ANK2: variants seen among roughly 807,000 people sequenced by gnomAD.
ANK2 encodes the protein ankyrin 2, also known as ankyrin-2.
A neutral mutation model predicts 360.5 loss-of-function variants in ANK2; 83 were observed. The ratio of observed to expected loss-of-function variants is 0.23; its 90% CI spans 0.19 to 0.28. ANK2 has a LOEUF of 0.28. ANK2 is among the 10% of genes least tolerant of loss of function. The pLI, the probability that ANK2 is intolerant of heterozygous loss-of-function variation, is 1.00. For missense variants in ANK2, 4,201 were observed against 4,795.7 expected (o/e 0.88, Z 3.66); for synonymous variants, 1,740 against 1,759.5 (o/e 0.99, Z 0.28).
At chr4:113,320,754 T>C (rs1353989352) in intron 26 of ANK2, among the ~76,000 whole-genome samples, 1 of 152,190 alleles carries the variant, frequency 6.6e-6, no homozygotes, top group Non-Finnish European at 1.5e-5. Flanking sequence ...CAAGCGCCAA[T>C]AGTACAGTTG....
chr4:113,224,645 G>A (rs1458987683), intron 4 of ANK2, among the ~76,000 whole-genome samples: 2 of 152,110 alleles, frequency 1.3e-5, no homozygotes, highest in African/African-American at 4.8e-5. Flanking sequence ...AACATTGAAA[G>A]TAAAAACAAA....
At chr4:113,264,372 C>A (rs549069961) in intron 13 of ANK2, among the ~76,000 whole-genome samples, 91 of 152,246 alleles carry the variant, frequency 6.0e-4, no homozygotes, top group African/African-American at 2.1e-3. Flanking sequence ...GAGACAATGA[C>A]AGATTTTTAG....
intron 1 of ANK2, among the ~76,000 whole-genome samples, chr4:113,089,397 A>G (rs1159533110): frequency 6.6e-6 from 1 of 152,226 alleles, no homozygotes; most frequent in East Asian, 1.9e-4. Context: ...CATTGTGAAG[A>G]AGATATTTGA....
chr4:112,892,315 C>G (rs2080281008), intron 1 of ANK2, among the ~76,000 whole-genome samples: 1 of 152,210 alleles, frequency 6.6e-6, no homozygotes, highest in Non-Finnish European at 1.5e-5. Context: ...TGGAATTAGA[C>G]TAACTTTATT....
At chr4:113,261,982 G>T (rs568301738) in intron 13 of ANK2, among the ~76,000 whole-genome samples, 1 of 152,232 alleles carries the variant, frequency 6.6e-6, no homozygotes, top group East Asian at 1.9e-4. Flanking sequence ...GAACCAAAGA[G>T]GTGGAGGTTG....
intron 14 of ANK2, 48 bp from the exon 15 acceptor site, chr4:113,274,404 G>A (rs2153687411): frequency 6.3e-7 from 1 of 1,576,928 alleles, no homozygotes; most frequent in South Asian, 1.1e-5. Flanking sequence ...TATCACCAGT[G>A]AAGTTCTGTC....
At chr4:113,117,998 A>T (rs1160320826) in intron 1 of ANK2, among the ~76,000 whole-genome samples, 4 of 152,034 alleles carry the variant, frequency 2.6e-5, no homozygotes, top group East Asian at 1.9e-4. Flanking sequence ...ATTTTAATTA[A>T]TTTTTTTGTT....
intron 34 of ANK2, 107 bp from the exon 35 acceptor site, chr4:113,345,793 C>G: frequency 1.4e-6 from 2 of 1,430,754 alleles, no homozygotes; most frequent in Non-Finnish European, 9.8e-7. Context: ...TGAGTTCTTA[C>G]CTAGCAGTAA....
chr4:113,295,290 A>G (rs2070580419), intron 22 of ANK2, among the ~76,000 whole-genome samples: 1 of 152,198 alleles, frequency 6.6e-6, no homozygotes, highest in Admixed American at 6.5e-5. Flanking sequence ...AATGAGACTC[A>G]GGCTTGGTAA....
upstream of ANK2, among the ~76,000 whole-genome samples, chr4:113,047,804 T>G (rs937468520): frequency 1.3e-5 from 2 of 150,850 alleles, no homozygotes. Flanking sequence ...GTGGAGGGAG[T>G]GAGGGGCAGC....
At chr4:112,803,621 T>C in the ANK2 span, among the ~76,000 whole-genome samples, 1 of 152,174 alleles carries the variant, frequency 6.6e-6, no homozygotes, top group African/African-American at 2.4e-5. Flanking sequence ...GATTTCAGAA[T>C]TTCTACGTGC....
At chr4:113,111,233 A>G (rs1038469833) in intron 1 of ANK2, among the ~76,000 whole-genome samples, 1 of 152,194 alleles carries the variant, frequency 6.6e-6, no homozygotes, top group Non-Finnish European at 1.5e-5. Flanking sequence ...TAATTAAAAT[A>G]TTCTATCAAA....
At chr4:112,801,320 A>G in the ANK2 span, among the ~76,000 whole-genome samples, 1 of 152,186 alleles carries the variant, frequency 6.6e-6, no homozygotes, top group African/African-American at 2.4e-5. Flanking sequence ...CCTGAAGATA[A>G]ATGTATACAC....
At chr4:112,710,263 G>A in the ANK2 span, among the ~76,000 whole-genome samples, 5 of 152,064 alleles carry the variant, frequency 3.3e-5, no homozygotes, top group Non-Finnish European at 4.4e-5. Flanking sequence ...AATTTTCAGG[G>A]CTTGTGACTA....
At chr4:113,291,725 G>A (rs907687154) in intron 20 of ANK2, among the ~76,000 whole-genome samples, 2 of 152,158 alleles carry the variant, frequency 1.3e-5, no homozygotes, top group Non-Finnish European at 2.9e-5. Flanking sequence ...AGTGAAGCAG[G>A]TGGATTTTAA....
At chr4:113,359,870 A>G (rs1169338680) in intron 38 of ANK2, among the ~76,000 whole-genome samples, 1 of 152,224 alleles carries the variant, frequency 6.6e-6, no homozygotes, top group African/African-American at 2.4e-5. Context: ...AACAAACCTA[A>G]GGTAAAAATA....
rs374775005 is a variant in ANK2, at chr4:113,277,926, T to C, written c.1773T>C (p.Ser591=). The C allele has an allele frequency of 7.4e-5, 119 of 1,613,488 alleles. No homozygotes were observed. The highest frequency in any genetic ancestry group is 9.1e-5 in the Non-Finnish European group (107 of 1,179,520). Residue 591 remains serine, a synonymous_variant, in exon 16 of 46, where the codon TCT becomes TCC. Transcript: ENST00000357077. ...TGCAACGCCGTGCTGCCGCAGATTC[T>C]GCAGGGAAGGTAAAGATTTTCTATA... ...LLLQRRAAAD[S]AGKNGLTPLH...
chr4:112,844,404 A>C (rs2062837978), intron 1 of ANK2, among the ~76,000 whole-genome samples: 1 of 152,184 alleles, frequency 6.6e-6, no homozygotes, highest in Non-Finnish European at 1.5e-5. Context: ...TATCTGCCCA[A>C]AGTAAAGCTC....
At chr4:112,733,139 C>T in the ANK2 span, among the ~76,000 whole-genome samples, 1 of 152,076 alleles carries the variant, frequency 6.6e-6, no homozygotes, top group Non-Finnish European at 1.5e-5. Flanking sequence ...TTGCTTGAAC[C>T]CGGCAGGTGG....
Sources: allele counts gnomAD v4.1 joint callset (sites outside exome capture counted in the v4.1 genomes callset), GRCh38; gene constraint gnomAD v4.1.1; transcripts MANE v1.5; gene names NCBI Gene and HGNC (gene_info 2026-07-23, HGNC 2026-07-21).